Variants in LRRC4C observed in about 807,000 individuals in gnomAD.
LRRC4C encodes leucine-rich repeat-containing protein 4C.
A neutral mutation model predicts 33.6 loss-of-function variants in LRRC4C; 5 were observed. The observed-to-expected ratio is 0.15, with a 90% CI of 0.08 to 0.31. LRRC4C has a LOEUF of 0.31. Among genes scored for constraint, LRRC4C ranks in the 10% least tolerant of loss-of-function variants. The pLI, the probability that LRRC4C is intolerant of heterozygous loss-of-function variation, is 1.00. For missense variants in LRRC4C, 560 were observed against 796.7 expected (o/e 0.70, Z 3.58); for synonymous variants, 329 against 302.0 (o/e 1.09, Z -0.93).
chr11:41,304,051 G>GA (rs1950380857), intron 1 of LRRC4C, among the ~76,000 whole-genome samples: 1 of 72,918 alleles, frequency 1.4e-5, no homozygotes, highest in Non-Finnish European at 3.4e-5. Context: ...GAGGTGGGGG[G>GA]TCAGCCCCCC....
At chr11:40,726,047 A>G (rs983675041) in intron 2 of LRRC4C, among the ~76,000 whole-genome samples, 1 of 152,190 alleles carries the variant, frequency 6.6e-6, no homozygotes, top group African/African-American at 2.4e-5. Flanking sequence ...TATAGAGGAA[A>G]TGGATAAATT....
At chr11:40,692,656 T>A (rs1203574357) in intron 2 of LRRC4C, among the ~76,000 whole-genome samples, 1 of 152,096 alleles carries the variant, frequency 6.6e-6, no homozygotes. Context: ...TGATTAGGTC[T>A]TAGGAAGTTA....
At chr11:41,248,537 T>C (rs1027777127) in intron 1 of LRRC4C, among the ~76,000 whole-genome samples, 6 of 152,214 alleles carry the variant, frequency 3.9e-5, no homozygotes, top group Non-Finnish European at 1.5e-5. Flanking sequence ...ACTACAAATG[T>C]TCTTCCTTCT....
intron 1 of LRRC4C, among the ~76,000 whole-genome samples, chr11:41,347,523 T>C (rs772271766): frequency 1.3e-5 from 2 of 152,184 alleles, no homozygotes; most frequent in Non-Finnish European, 2.9e-5. Context: ...GTGAATTGCT[T>C]TTTTTAAAAT....
intron 1 of LRRC4C, among the ~76,000 whole-genome samples, chr11:41,353,126 G>A (rs1374184052): frequency 1.3e-5 from 2 of 151,930 alleles, no homozygotes; most frequent in Non-Finnish European, 2.9e-5. Context: ...TGGATAGGCT[G>A]TTAAATAGAC....
At chr11:41,169,222 T>C (rs1944863467) in intron 1 of LRRC4C, among the ~76,000 whole-genome samples, 1 of 152,192 alleles carries the variant, frequency 6.6e-6, no homozygotes. Flanking sequence ...TTCTTATTTA[T>C]TCTTTTACAT....
At chr11:40,864,794 A>G (rs1305516916) in intron 2 of LRRC4C, among the ~76,000 whole-genome samples, 2 of 152,226 alleles carry the variant, frequency 1.3e-5, no homozygotes, top group Admixed American at 6.5e-5. Context: ...TTATAGATTC[A>G]TATTTTCAGG....
chr11:40,903,536 A>T (rs1956295906), intron 2 of LRRC4C, among the ~76,000 whole-genome samples: 1 of 152,246 alleles, frequency 6.6e-6, no homozygotes, highest in Non-Finnish European at 1.5e-5. Flanking sequence ...GATGTAAGCA[A>T]AATAATTTTA....
intron 1 of LRRC4C, among the ~76,000 whole-genome samples, chr11:40,934,833 A>G (rs375076174): frequency 3.3e-5 from 5 of 152,168 alleles, no homozygotes; most frequent in East Asian, 1.9e-4. Context: ...CTTGTTCTAC[A>G]CATTTAGAGT....
chr11:40,552,495 C>G (rs1322724873), intron 3 of LRRC4C, among the ~76,000 whole-genome samples: 1 of 152,164 alleles, frequency 6.6e-6, no homozygotes, highest in Non-Finnish European at 1.5e-5. Context: ...AGGAACCCCC[C>G]ACAATGTAGG....
intron 1 of LRRC4C, among the ~76,000 whole-genome samples, chr11:41,294,702 G>T (rs1232247962): frequency 2.0e-5 from 3 of 152,068 alleles, no homozygotes; most frequent in Non-Finnish European, 2.9e-5. Context: ...TTTTCAGAAT[G>T]CAATACGATC....
intron 5 of LRRC4C, among the ~76,000 whole-genome samples, chr11:40,144,294 T>A (rs924024132): frequency 5.9e-5 from 9 of 152,204 alleles, no homozygotes; most frequent in African/African-American, 2.2e-4. Flanking sequence ...TTCTCCTTCA[T>A]TAAAAAAATG....
intron 3 of LRRC4C, among the ~76,000 whole-genome samples, chr11:40,434,582 A>G (rs921674878): frequency 6.6e-6 from 1 of 152,236 alleles, no homozygotes; most frequent in African/African-American, 2.4e-5. Context: ...ATGGTAGCCC[A>G]TGATTTTCAA....
intron 6 of LRRC4C, among the ~76,000 whole-genome samples, chr11:40,137,021 TA>T (rs1265504551): frequency 2.6e-5 from 4 of 152,242 alleles, no homozygotes; most frequent in Non-Finnish European, 4.4e-5. Flanking sequence ...ATTCTAATAA[TA>T]AGGCAAGTAT....
chr11:40,466,080 C>T (rs1008647627), intron 3 of LRRC4C, among the ~76,000 whole-genome samples: 1 of 151,842 alleles, frequency 6.6e-6, no homozygotes, highest in Non-Finnish European at 1.5e-5. Context: ...ATAATATTAG[C>T]CATAAAAAAG....
At chr11:41,014,469 A>G (rs1490069119) in intron 1 of LRRC4C, among the ~76,000 whole-genome samples, 2 of 145,074 alleles carry the variant, frequency 1.4e-5, no homozygotes, top group South Asian at 2.3e-4. Context: ...CACAGTACAG[A>G]TTATTTTTTT....
intron 5 of LRRC4C, among the ~76,000 whole-genome samples, chr11:40,146,801 A>G (rs1857768657): frequency 6.6e-6 from 1 of 152,192 alleles, no homozygotes; most frequent in Non-Finnish European, 1.5e-5. Context: ...AGGCACAAAA[A>G]GTTGAATAAT....
chr11:41,012,324 ATATGT>A (rs918829454), intron 1 of LRRC4C, among the ~76,000 whole-genome samples: 5 of 152,152 alleles, frequency 3.3e-5, no homozygotes, highest in African/African-American at 1.2e-4. Context: ...AAGAGTGAGA[ATATGT>A]TATATTTGTT....
intron 1 of LRRC4C, among the ~76,000 whole-genome samples, chr11:41,103,292 G>A (rs1278868624): frequency 6.6e-6 from 1 of 151,892 alleles, no homozygotes; most frequent in African/African-American, 2.4e-5. Context: ...GGAAATTGTT[G>A]TTCAGAGTAG....
Sources: allele counts gnomAD v4.1 joint callset (sites outside exome capture counted in the v4.1 genomes callset), GRCh38; gene constraint gnomAD v4.1.1; transcripts MANE v1.5; gene names NCBI Gene and HGNC (gene_info 2026-07-23, HGNC 2026-07-21).